The following BANK1 variants were observed in gnomAD, a reference collection of about 807,000 sequenced individuals.
BANK1 encodes the protein B-cell scaffold protein with ankyrin repeats.
A neutral mutation model predicts 94.5 loss-of-function variants in BANK1; 95 were observed. The observed-to-expected ratio is 1.00, with a 90% CI of 0.85 to 1.19. The LOEUF is 1.19. Ranked by LOEUF, BANK1 falls within the 50% of genes most tolerant of loss-of-function variation. The pLI, the probability that BANK1 is intolerant of heterozygous loss-of-function variation, is 0.00. For missense variants in BANK1, 987 were observed against 932.2 expected, an observed-to-expected ratio of 1.06 and a Z score of -0.77; for synonymous variants, 334 against 308.4, an observed-to-expected ratio of 1.08 and a Z score of -0.87.
At chr4:102,002,658 A>G (rs1490871854) in intron 7 of BANK1, among the ~76,000 whole-genome samples, 1 of 152,160 alleles carries the variant, frequency 6.6e-6, no homozygotes, top group African/African-American at 2.4e-5. Context: ...ATATACACCT[A>G]TAACTCACAG....
intron 1 of BANK1, among the ~76,000 whole-genome samples, chr4:101,819,222 C>T (rs979800375): frequency 2.0e-5 from 3 of 152,154 alleles, no homozygotes; most frequent in Middle Eastern, 3.4e-3. Flanking sequence ...AGAAGATATT[C>T]CTGAGTATTC....
chr4:102,030,236 A>G lies in BANK1; in HGVS notation c.1871A>G (p.Lys624Arg). ...CCCCGACCCACAAGTATACCTCCAA[A>G]AGAGGAAACTACACCTTACATAGCT... ...PTPRPTSIPP[K>R]EETTPYIAQV... The change falls in exon 10 of 17, where the codon AAA becomes AGA. Residue 624 changes from lysine to arginine, a missense_variant. Transcript: ENST00000322953. The G allele has an allele frequency of 6.2e-7, 1 of 1,600,426 alleles. No homozygotes were observed. The highest frequency in any genetic ancestry group is 1.7e-4 in the Middle Eastern group (1 of 5,956).
chr4:101,863,157 C>T (rs1266126304), intron 4 of BANK1, among the ~76,000 whole-genome samples: 1 of 151,888 alleles, frequency 6.6e-6, no homozygotes, highest in Non-Finnish European at 1.5e-5. Context: ...ATCTTTTCCT[C>T]ATCTCACTTA....
rs1007726353 is a variant in BANK1 at position 102,062,885 on chromosome 4, A to G, written c.2149-190A>G. On this transcript the variant is annotated intron_variant, in intron 12 of 16. Transcript: ENST00000322953. ...ACAACATGGAATGACGACATTTTAC[A>G]TCCACTTCATTAAGCTGTGAGAATT... 1.1e-5 allele frequency: 6 copies of G among 537,678 alleles called. No individual in the cohort carries two copies. In the African/African-American group the frequency reaches 1.1e-4, roughly 10 times the overall value. 33.3% of individuals were successfully genotyped at this position (537,678 alleles called of 1,614,324 possible). A position where few individuals can be genotyped will look rare whatever the true frequency, so the allele number is the denominator to read the frequency against.
intron 7 of BANK1, among the ~76,000 whole-genome samples, chr4:102,013,330 G>T (rs1029378125): frequency 6.6e-6 from 1 of 151,964 alleles, no homozygotes; most frequent in Non-Finnish European, 1.5e-5. Context: ...GTCAGCACTG[G>T]TCCTCTCTTA....
intron 7 of BANK1, among the ~76,000 whole-genome samples, chr4:101,949,346 A>T (rs1350619147): frequency 6.6e-6 from 1 of 152,160 alleles, no homozygotes; most frequent in Non-Finnish European, 1.5e-5. Flanking sequence ...CCAATACACA[A>T]GGACAGAATC....
At chr4:102,052,821 C>G (rs1200277409) in intron 11 of BANK1, among the ~76,000 whole-genome samples, 2 of 152,072 alleles carry the variant, frequency 1.3e-5, no homozygotes, top group African/African-American at 4.8e-5. Context: ...AGTTTGAACT[C>G]ATAAACAAAT....
intron 2 of BANK1, among the ~76,000 whole-genome samples, chr4:101,845,795 C>A (rs1467891379): frequency 3.9e-5 from 6 of 152,166 alleles, no homozygotes; most frequent in Non-Finnish European, 5.9e-5. Context: ...AAGGTATAAT[C>A]TTATGCTATG....
intron 1 of BANK1, among the ~76,000 whole-genome samples, chr4:101,806,323 A>C (rs1725550528): frequency 7.2e-6 from 1 of 138,786 alleles, no homozygotes; most frequent in Non-Finnish European, 1.5e-5. Flanking sequence ...CTCTCGCTCC[A>C]TATAAATCTA....
chr4:102,059,991 TTCTG>T (rs1728357302), intron 11 of BANK1, among the ~76,000 whole-genome samples: 1 of 152,186 alleles, frequency 6.6e-6, no homozygotes, highest in Admixed American at 6.6e-5. Context: ...CCTTGTCCTT[TTCTG>T]TCTTAGTAAT....
At chr4:102,013,887 T>A (rs1191086515) in intron 7 of BANK1, among the ~76,000 whole-genome samples, 1 of 152,054 alleles carries the variant, frequency 6.6e-6, no homozygotes, top group East Asian at 1.9e-4. Flanking sequence ...AGGCAGATAA[T>A]AGAGATAATT....
intron 3 of BANK1, among the ~76,000 whole-genome samples, chr4:101,858,305 T>C (rs1466369271): frequency 6.6e-6 from 1 of 152,146 alleles, no homozygotes; most frequent in Non-Finnish European, 1.5e-5. Context: ...CTGCTAAACT[T>C]CCTGTAATGC....
rs566519692 is a variant in BANK1 at position 101,947,521 on chromosome 4, T to C, written c.1206+29332T>C. Among the ~76,000 whole-genome samples the C allele has an allele frequency of 7.6e-4, 115 of 151,572 alleles. 4 individuals are homozygous for C. The Middle Eastern group carries it at 0.01, about 13-fold the overall frequency. On this transcript the variant is annotated intron_variant, in intron 7 of 16. Transcript: ENST00000322953. ...AGGTTCAAGTAGAAACATAGAAGCT[T>C]GAAGTCTAATTTACTAGATCTCCAG...
At chr4:102,009,000 T>C (rs1390904767) in intron 7 of BANK1, among the ~76,000 whole-genome samples, 2 of 152,210 alleles carry the variant, frequency 1.3e-5, no homozygotes, top group African/African-American at 4.8e-5. Context: ...CCCAGTAGCT[T>C]CATCAGCACT....
intron 2 of BANK1, among the ~76,000 whole-genome samples, chr4:101,848,953 G>T (rs987700941): frequency 2.6e-5 from 4 of 152,042 alleles, no homozygotes; most frequent in Non-Finnish European, 4.4e-5. Flanking sequence ...TGCATCATAG[G>T]CTTATCCCCT....
chr4:102,018,269 G>C (rs1291352119), intron 7 of BANK1, among the ~76,000 whole-genome samples: 1 of 152,072 alleles, frequency 6.6e-6, no homozygotes, highest in African/African-American at 2.4e-5. Flanking sequence ...ATGTTACAAG[G>C]TCAACTTGTC....
chr4:101,927,966 G>A (rs577046076), intron 7 of BANK1, among the ~76,000 whole-genome samples: 18 of 151,694 alleles, frequency 1.2e-4, no homozygotes, highest in African/African-American at 4.1e-4. Context: ...CACAGATGAG[G>A]TAGTGGACAG....
At chr4:101,817,467 G>C (rs953165199) in intron 1 of BANK1, among the ~76,000 whole-genome samples, 1 of 152,086 alleles carries the variant, frequency 6.6e-6, no homozygotes. Flanking sequence ...TTATAAGTGG[G>C]AGCTAAATGA....
At chr4:102,008,531 C>G (rs1726378818) in intron 7 of BANK1, among the ~76,000 whole-genome samples, 1 of 152,062 alleles carries the variant, frequency 6.6e-6, no homozygotes, top group African/African-American at 2.4e-5. Context: ...ATGAACAAAT[C>G]ATTTATCTGT....
Sources: allele counts gnomAD v4.1 joint callset (sites outside exome capture counted in the v4.1 genomes callset), GRCh38; gene constraint gnomAD v4.1.1; transcripts MANE v1.5; gene names NCBI Gene and HGNC (gene_info 2026-07-23, HGNC 2026-07-21).